Variants in CCDC92 observed in about 807,000 individuals in gnomAD.
CCDC92 encodes the protein coiled-coil domain-containing protein 92.
A neutral mutation model predicts 24.9 loss-of-function variants in CCDC92; 12 were observed. That is an observed-to-expected ratio of 0.48 (90% CI 0.31 to 0.78). The LOEUF is 0.78. CCDC92 is among the 30% of genes least tolerant of loss of function. CCDC92 has a pLI of 0.05. For synonymous variants in CCDC92, 193 were observed against 196.3 expected (o/e 0.98, Z 0.14); for missense variants, 399 against 439.4 (o/e 0.91, Z 0.82).
chr12:123,948,688 G>A (rs948932289), intron 1 of CCDC92, among the ~76,000 whole-genome samples: 11 of 152,236 alleles, frequency 7.2e-5, no homozygotes, highest in African/African-American at 2.7e-4. Flanking sequence ...CATCTGTGCA[G>A]GGCATTCTAC....
At chr12:123,950,945 C>T (rs979763879) in intron 1 of CCDC92, among the ~76,000 whole-genome samples, 1 of 152,146 alleles carries the variant, frequency 6.6e-6, no homozygotes, top group African/African-American at 2.4e-5. Context: ...GTCAGCCTGC[C>T]CTCCCCAGCG....
chr12:123,943,404 C>A lies in CCDC92; in HGVS notation c.124G>T (p.Ala42Ser). ...GAGTGCAGCCCCTTGAGCGTGCTGG[C>A]ATGCTCCCGCTGAAGGAACAGGAGG... Reference protein sequence around the residue: ...KNLLFLQREHASTLKGLHSEI... With the variant: ...KNLLFLQREHSSTLKGLHSEI... Residue 42 changes from alanine to serine, a missense_variant, in exon 3 of 5, where the codon GCC becomes TCC. Transcript: ENST00000238156. 6.2e-7 allele frequency: 1 copy of A among 1,614,120 alleles called. No homozygotes were observed. Among genetic ancestry groups the A allele is most frequent in the Non-Finnish European group, 8.5e-7 (1 of 1,180,024 alleles).
chr12:123,940,882 T>G (rs1955663159), intron 4 of CCDC92, among the ~76,000 whole-genome samples: 1 of 152,160 alleles, frequency 6.6e-6, no homozygotes, highest in South Asian at 2.1e-4. Context: ...GGTGCACTAA[T>G]GTAAAACAAT....
At chr12:123,969,419 G>T (rs964825235) in intron 1 of CCDC92, among the ~76,000 whole-genome samples, 3 of 151,332 alleles carry the variant, frequency 2.0e-5, no homozygotes, top group Non-Finnish European at 4.4e-5. Flanking sequence ...ACTAAAATGC[G>T]GAGCAAGCAC....
intron 1 of CCDC92, among the ~76,000 whole-genome samples, chr12:123,966,957 A>G (rs34854841): frequency 0.28 from 42,603 of 151,964 alleles, 6,147 homozygotes; most frequent in Middle Eastern, 0.33. Flanking sequence ...TTCTACTTGG[A>G]TATTTATTTT....
chr12:123,939,611 T>A (rs905589437), intron 4 of CCDC92, among the ~76,000 whole-genome samples: 1 of 152,212 alleles, frequency 6.6e-6, no homozygotes, highest in African/African-American at 2.4e-5. Flanking sequence ...ATTGCAAGTT[T>A]CTAGTTTTAA....
chr12:123,944,072 AG>A, intron 2 of CCDC92, 199 bp downstream of exon 2: 1 of 521,836 alleles, frequency 1.9e-6, no homozygotes, highest in Non-Finnish European at 3.4e-6. Flanking sequence ...AGTAGGAGGG[AG>A]AGATGGGCTG....
intron 4 of CCDC92, among the ~76,000 whole-genome samples, chr12:123,939,930 C>T (rs923601574): frequency 1.2e-4 from 18 of 152,240 alleles, no homozygotes; most frequent in African/African-American, 4.3e-4. Context: ...CCATGCCTGT[C>T]GCAGGGCCTT....
intron 4 of CCDC92, among the ~76,000 whole-genome samples, chr12:123,941,232 T>C (rs138640733): frequency 7.2e-5 from 11 of 152,334 alleles, no homozygotes; most frequent in Non-Finnish European, 1.3e-4. Context: ...GCTGAAATCC[T>C]GTTCCTCTGC....
rs1163965092 is a variant in CCDC92 at position 123,943,512 on chromosome 12, C to T, written c.35-19G>A. ...AGAGGACCTGTGGGTAACACAGACC[C>T]TGGCTGCGGTGCCTGAAGAGGGTCC... On this transcript the variant is annotated intron_variant, in intron 2 of 4. Transcript: ENST00000238156. 5 of 1,613,606 alleles carry T rather than the reference C, an allele frequency of 3.1e-6. No individual in the cohort carries two copies. The highest frequency in any genetic ancestry group is 3.4e-6 in the Non-Finnish European group (4 of 1,179,752).
At chr12:123,945,567 T>C (rs1955821711) in intron 1 of CCDC92, 1 of 152,214 alleles carries the variant, frequency 6.6e-6, no homozygotes, top group Admixed American at 6.5e-5. Context: ...AGCAGAACGC[T>C]TGAAAGCGGA....
At chr12:123,949,159 G>T (rs888756366) in intron 1 of CCDC92, among the ~76,000 whole-genome samples, 1 of 152,214 alleles carries the variant, frequency 6.6e-6, no homozygotes, top group Admixed American at 6.5e-5. Flanking sequence ...GAATAACGCC[G>T]CCTGCTGAGT....
chr12:123,937,683 T>C lies in CCDC92; in HGVS notation c.371A>G (p.Lys124Arg). The change falls in exon 5 of 5, where the codon AAG (lysine) becomes AGG (arginine). Residue 124 changes from lysine to arginine, a missense_variant. Lys to Arg is a conservative substitution (Grantham distance 26). Coordinates refer to ENST00000238156, the MANE Select transcript of CCDC92 (RefSeq NM_025140.3). This position sits in a 1 kb window ranked among gnomAD's most constrained non-coding sequence, Gnocchi z 8.4. ...AMITVLENTI[K>R]EREKKYLEEL... ...CTCCAGGTACTTCTTCTCTCGCTCCTTGATGGTGTTCTCCAGCACTGTGAT... is the reference window on the plus strand; with the variant it reads ...CTCCAGGTACTTCTTCTCTCGCTCCCTGATGGTGTTCTCCAGCACTGTGAT... The C allele has an allele frequency of 6.2e-7, 1 of 1,614,140 alleles. No homozygotes were observed. The highest frequency in any genetic ancestry group is 8.5e-7 in the Non-Finnish European group (1 of 1,180,046).
intron 1 of CCDC92, among the ~76,000 whole-genome samples, chr12:123,948,511 A>G (rs1955941053): frequency 6.6e-6 from 1 of 152,218 alleles, no homozygotes; most frequent in Admixed American, 6.5e-5. Context: ...GCGAGCAGGG[A>G]GAGTGTGACC....
At chr12:123,963,451 G>A (rs984277107) in intron 1 of CCDC92, among the ~76,000 whole-genome samples, 1 of 152,190 alleles carries the variant, frequency 6.6e-6, no homozygotes, top group Admixed American at 6.5e-5. Context: ...TATCTTACAC[G>A]CTCAGCGAGG....
chr12:123,938,519 A>T (rs907317828), intron 4 of CCDC92, among the ~76,000 whole-genome samples: 4 of 152,002 alleles, frequency 2.6e-5, no homozygotes, highest in African/African-American at 9.7e-5. Context: ...AGCAAACACC[A>T]GCCACCTCCT....
At position 123,936,422 on chromosome 12, in the gene CCDC92, A is replaced by G. The variant is rs1955493523; in HGVS notation, c.*636T>C. 1.3e-5 allele frequency: 2 copies of G among 153,002 alleles called. No individual in the cohort carries two copies. Among genetic ancestry groups the G allele is most frequent in the Admixed American group, 1.3e-4 (2 of 15,338 alleles). 9.5% of individuals were successfully genotyped at this position (153,002 alleles called of 1,614,324 possible). A position where few individuals can be genotyped will look rare whatever the true frequency, so the allele number is the denominator to read the frequency against. On this transcript the variant is annotated 3_prime_UTR_variant, in exon 5 of 5. Transcript: ENST00000238156. ...AACAGAAGGAAGGCAGGTTTAGAAA[A>G]TAAAGTTTGTTGGGATCTTAAACAT...
chr12:123,967,005 T>C (rs1387998533), intron 1 of CCDC92, among the ~76,000 whole-genome samples: 1 of 152,132 alleles, frequency 6.6e-6, no homozygotes, highest in East Asian at 1.9e-4. Context: ...CCTCAAACAA[T>C]ATGGTTTGGC....
At position 123,937,550 on chromosome 12, in the gene CCDC92, C is replaced by G; in HGVS notation, c.504G>C (p.Lys168Asn). ...LTSQLHAAKKKLMSSSGTSDA... is the reference protein window; with the variant it reads ...LTSQLHAAKKNLMSSSGTSDA... Reference sequence around the variant, plus strand: ...CTGAGGTCCCGCTGGAGCTCATGAGCTTCTTCTTGGCGGCGTGCAGCTGGG... The same window carrying G: ...CTGAGGTCCCGCTGGAGCTCATGAGGTTCTTCTTGGCGGCGTGCAGCTGGG... Residue 168 changes from lysine to asparagine, a missense_variant, in exon 5 of 5, where the codon AAG (lysine) becomes AAC (asparagine). Lys to Asn is a moderately conservative substitution (Grantham distance 94, BLOSUM62 0). Transcript: ENST00000238156. This position sits in a 1 kb window ranked among gnomAD's most constrained non-coding sequence, Gnocchi z 8.4. The G allele has an allele frequency of 1.2e-6, 2 of 1,612,476 alleles. No homozygotes were observed. Among genetic ancestry groups the G allele is most frequent in the Non-Finnish European group, 8.5e-7 (1 of 1,179,950 alleles).
Sources: allele counts gnomAD v4.1 joint callset (sites outside exome capture counted in the v4.1 genomes callset), GRCh38; gene constraint gnomAD v4.1.1; non-coding constraint Gnocchi (gnomAD v3.1); transcripts MANE v1.5; gene names NCBI Gene and HGNC (gene_info 2026-07-23, HGNC 2026-07-21).